F13A1: variants seen among roughly 807,000 people sequenced by gnomAD.
The protein encoded by F13A1 is FSF, A subunit.
A neutral mutation model predicts 80.1 loss-of-function variants in F13A1; 47 were observed. The observed-to-expected ratio is 0.59, with a 90% confidence interval of 0.46 to 0.75. The LOEUF (loss-of-function observed/expected upper bound fraction) is 0.75, where lower values mean the gene tolerates loss of function less well. F13A1 is among the 30% of genes least tolerant of loss of function. F13A1 has a pLI of 0.00. For synonymous variants in F13A1, 349 were observed against 344.9 expected (o/e 1.01, Z -0.13); for missense variants, 817 against 930.4 (o/e 0.88, Z 1.59).
chr6:6,313,280 C>CTTTTTTTTTTTTTT lies in F13A1; in HGVS notation c.130+5241_130+5254dup, dbSNP rs5874027. Among the ~76,000 whole-genome samples the CTTTTTTTTTTTTTT allele has an allele frequency of 8.0e-3, 1,008 of 126,612 alleles. 15 individuals are homozygous for CTTTTTTTTTTTTTT. Among genetic ancestry groups the CTTTTTTTTTTTTTT allele is most frequent in the South Asian group, 0.025 (92 of 3,740 alleles). 83.1% of individuals were successfully genotyped at this position (126,612 alleles called of 152,430 possible). ...ATGGAACAGCTCATTGCTAAGCCGC[C>CTTTTTTTTTTTTTT]TTTTTTTTTTTTTTTTTTTTAAATA... On this transcript the variant is annotated intron_variant, in intron 2 of 14. Coordinates refer to ENST00000264870, the MANE Select transcript of F13A1 (RefSeq NM_000129.4).
At chr6:6,196,559 A>C (rs985278802) in intron 9 of F13A1, among the ~76,000 whole-genome samples, 6 of 152,230 alleles carry the variant, frequency 3.9e-5, no homozygotes, top group African/African-American at 1.4e-4. Context: ...TATCCATTGA[A>C]TGTTTATGCA....
intron 12 of F13A1, among the ~76,000 whole-genome samples, chr6:6,173,348 G>GT (rs1232170735): frequency 6.6e-6 from 1 of 151,700 alleles, no homozygotes; most frequent in Non-Finnish European, 1.5e-5. Context: ...GGCAGAGGCA[G>GT]AAAACCTCTT....
At chr6:6,264,802 A>G (rs1757821461) in intron 4 of F13A1, among the ~76,000 whole-genome samples, 1 of 152,222 alleles carries the variant, frequency 6.6e-6, no homozygotes, top group Admixed American at 6.5e-5. Context: ...TACTATCAAG[A>G]GTTCATTTTT....
At chr6:6,255,373 T>C (rs903437207) in intron 4 of F13A1, among the ~76,000 whole-genome samples, 2 of 152,150 alleles carry the variant, frequency 1.3e-5, no homozygotes, top group African/African-American at 4.8e-5. Context: ...ATGAGGAAAC[T>C]GAGGCAGAGA....
chr6:6,147,762 G>A (rs946987971), intron 14 of F13A1, among the ~76,000 whole-genome samples: 12 of 152,148 alleles, frequency 7.9e-5, no homozygotes, highest in South Asian at 2.1e-4. Context: ...GTGTACATAC[G>A]AAAAAACTCA....
intron 13 of F13A1, among the ~76,000 whole-genome samples, chr6:6,161,527 T>TGTGTGA (rs1193773635): frequency 7.2e-6 from 1 of 139,304 alleles, no homozygotes; most frequent in African/African-American, 2.6e-5. Flanking sequence ...AGAGAGGATG[T>TGTGTGA]GTGTGTGTGT....
intron 12 of F13A1, 82 bp from the exon 13 acceptor site, chr6:6,167,700 C>T (rs1760703187): frequency 1.3e-6 from 2 of 1,514,808 alleles, no homozygotes; most frequent in African/African-American, 2.7e-5. Flanking sequence ...TTCCCTACCC[C>T]TCCCACATTA....
intron 2 of F13A1, among the ~76,000 whole-genome samples, chr6:6,307,573 A>G (rs1758531362): frequency 6.6e-6 from 1 of 152,160 alleles, no homozygotes; most frequent in Admixed American, 6.5e-5. Flanking sequence ...AAAATAGCTA[A>G]ACACCAAAGT....
At chr6:6,176,015 A>C (rs1760878085) in intron 11 of F13A1, among the ~76,000 whole-genome samples, 1 of 152,238 alleles carries the variant, frequency 6.6e-6, no homozygotes, top group African/African-American at 2.4e-5. Context: ...GCTTGGAAAC[A>C]GGGCTCATGC....
At chr6:6,195,703 C>T in intron 10 of F13A1, 94 bp downstream of exon 10, 2 of 1,142,186 alleles carry the variant, frequency 1.8e-6, no homozygotes, top group East Asian at 5.0e-5. Flanking sequence ...CGCTATGTAC[C>T]TGGAAAACTT....
chr6:6,180,762 ACTTT>A (rs1423761214), intron 11 of F13A1, among the ~76,000 whole-genome samples: 1 of 152,206 alleles, frequency 6.6e-6, no homozygotes, highest in Non-Finnish European at 1.5e-5. Context: ...AAAAATTCTG[ACTTT>A]CTGAGACTAT....
At chr6:6,229,594 A>G (rs559781436) in intron 6 of F13A1, among the ~76,000 whole-genome samples, 2 of 152,272 alleles carry the variant, frequency 1.3e-5, no homozygotes, top group Admixed American at 6.5e-5. Flanking sequence ...ATCATGGTGG[A>G]TGGGAGGCAG....
intron 13 of F13A1, among the ~76,000 whole-genome samples, chr6:6,155,331 A>T (rs137894857): frequency 3.8e-4 from 58 of 152,314 alleles, no homozygotes; most frequent in African/African-American, 1.3e-3. Context: ...AAACCTTCTC[A>T]GGTAATTTCA....
chr6:6,223,271 A>C (rs1322614487), intron 7 of F13A1, among the ~76,000 whole-genome samples: 2 of 152,202 alleles, frequency 1.3e-5, no homozygotes, highest in African/African-American at 4.8e-5. Context: ...TAGATTGGAT[A>C]ACCTTTTTAT....
At chr6:6,311,049 T>TAA (rs368426296) in intron 2 of F13A1, among the ~76,000 whole-genome samples, 4 of 151,050 alleles carry the variant, frequency 2.6e-5, no homozygotes, top group Admixed American at 2.6e-4. Context: ...TTTTTTTTTT[T>TAA]AAAAAAAAGT....
intron 8 of F13A1, among the ~76,000 whole-genome samples, chr6:6,214,321 CA>C (rs1194857794): frequency 6.6e-6 from 1 of 151,776 alleles, no homozygotes; most frequent in African/African-American, 2.4e-5. Flanking sequence ...GAAATTATAA[CA>C]AACTATGTCT....
At chr6:6,217,080 G>A (rs1341724150) in intron 8 of F13A1, among the ~76,000 whole-genome samples, 1 of 139,436 alleles carries the variant, frequency 7.2e-6, no homozygotes, top group African/African-American at 2.9e-5. Flanking sequence ...ACTATTGGTG[G>A]CACTGTAAAC....
At chr6:6,268,320 C>T (rs1242389556) in intron 3 of F13A1, among the ~76,000 whole-genome samples, 1 of 152,148 alleles carries the variant, frequency 6.6e-6, no homozygotes, top group Admixed American at 6.5e-5. Flanking sequence ...AGAAGGAAAC[C>T]ATTATCATCA....
At chr6:6,246,245 C>G (rs1464294168) in intron 6 of F13A1, among the ~76,000 whole-genome samples, 2 of 152,154 alleles carry the variant, frequency 1.3e-5, no homozygotes, top group African/African-American at 4.8e-5. Flanking sequence ...CCAAAGAACA[C>G]TTGATCTTTC....
Sources: gnomAD v4.1 joint callset for allele counts (sites outside exome capture counted in the v4.1 genomes callset) on GRCh38, gnomAD v4.1.1 for gene constraint, MANE v1.5 for transcripts, NCBI Gene and HGNC (gene_info 2026-07-23, HGNC 2026-07-21) for gene names.